Variants in ANKFN1 observed in about 807,000 individuals in gnomAD.
The protein encoded by ANKFN1 is ankyrin repeat and fibronectin type-III domain-containing protein 1.
Under a neutral mutation model 108.7 loss-of-function variants are expected in ANKFN1, and 74 were observed. The ratio of observed to expected loss-of-function variants is 0.68; its 90% CI spans 0.56 to 0.83. The LOEUF is 0.83. Ranked by LOEUF, ANKFN1 falls within the 40% of genes least tolerant of loss-of-function variation. The probability of loss-of-function intolerance (pLI) is 0.00; values close to 1 mark genes in which losing one functional copy is unlikely to be tolerated. For missense variants in ANKFN1, 1,505 were observed against 1,382.3 expected, an observed-to-expected ratio of 1.09 and a Z score of -1.41; for synonymous variants, 547 against 516.2, an observed-to-expected ratio of 1.06 and a Z score of -0.81.
intron 8 of ANKFN1, among the ~76,000 whole-genome samples, chr17:56,391,307 G>A (rs886568164): frequency 2.4e-5 from 3 of 125,138 alleles, no homozygotes; most frequent in African/African-American, 6.5e-5. Flanking sequence ...ACACAGTCTC[G>A]CTCTGTGTGT....
chr17:56,397,333 G>A (rs1281472343), intron 8 of ANKFN1, among the ~76,000 whole-genome samples: 1 of 152,134 alleles, frequency 6.6e-6, no homozygotes, highest in East Asian at 1.9e-4. Context: ...CATTTCTGAT[G>A]ACGTGTGTGC....
At chr17:56,330,715 G>T (rs1767583524) in intron 4 of ANKFN1, among the ~76,000 whole-genome samples, 1 of 152,004 alleles carries the variant, frequency 6.6e-6, no homozygotes, top group South Asian at 2.1e-4. Flanking sequence ...ACCCTATGTG[G>T]GATACTATCT....
intron 3 of ANKFN1, among the ~76,000 whole-genome samples, chr17:56,319,379 T>C (rs2045299211): frequency 6.6e-6 from 1 of 152,220 alleles, no homozygotes; most frequent in South Asian, 2.1e-4. Context: ...CATTTTCAAA[T>C]TGTTTGAGAA....
intron 2 of ANKFN1, among the ~76,000 whole-genome samples, chr17:56,221,359 A>AT (rs1247621968): frequency 1.3e-5 from 2 of 152,322 alleles, no homozygotes; most frequent in East Asian, 3.9e-4. Flanking sequence ...TGCCATATTT[A>AT]TACATCTGCT....
intron 8 of ANKFN1, among the ~76,000 whole-genome samples, chr17:56,405,122 C>A (rs1311353425): frequency 1.3e-5 from 2 of 152,216 alleles, no homozygotes; most frequent in Admixed American, 1.3e-4. Context: ...GTTTAACGCT[C>A]TATTTTTGTG....
At chr17:56,064,274 G>A (rs1359703868) in intron 4 of ANKFN1, among the ~76,000 whole-genome samples, 1 of 152,220 alleles carries the variant, frequency 6.6e-6, no homozygotes, top group Non-Finnish European at 1.5e-5. Flanking sequence ...GGGGTGTGCT[G>A]TGCTGGGGGA....
At chr17:56,144,886 C>T (rs1225657401) in intron 4 of ANKFN1, among the ~76,000 whole-genome samples, 1 of 152,192 alleles carries the variant, frequency 6.6e-6, no homozygotes, top group Non-Finnish European at 1.5e-5. Flanking sequence ...ACAGCCTGGC[C>T]ACTTGTTTAA....
intron 8 of ANKFN1, among the ~76,000 whole-genome samples, chr17:56,378,994 T>G (rs2047016897): frequency 6.6e-6 from 1 of 152,226 alleles, no homozygotes; most frequent in African/African-American, 2.4e-5. Context: ...AAAACCTTTC[T>G]CCAATAATGT....
chr17:56,317,409 T>C (rs1467440809), intron 3 of ANKFN1, among the ~76,000 whole-genome samples: 1 of 152,202 alleles, frequency 6.6e-6, no homozygotes, highest in Non-Finnish European at 1.5e-5. Flanking sequence ...GTTAAAGCTT[T>C]CTTGCTGGAC....
At chr17:56,216,393 T>G (rs1469366026) in intron 2 of ANKFN1, among the ~76,000 whole-genome samples, 1 of 152,220 alleles carries the variant, frequency 6.6e-6, no homozygotes, top group African/African-American at 2.4e-5. Context: ...GCTGACAACT[T>G]GGAGTTAGAG....
rs776874479 is a variant in ANKFN1 at position 56,516,781 on chromosome 17, C to G, written c.*5512C>G. Among the ~76,000 whole-genome samples the G allele has an allele frequency of 2.0e-5, 3 of 152,086 alleles. No homozygotes were observed. The highest frequency in any genetic ancestry group is 2.1e-4 in the South Asian group (1 of 4,828). On this transcript the variant is annotated 3_prime_UTR_variant, in exon 21 of 21. Transcript: ENST00000682825. Reference sequence around the variant, plus strand: ...TTTCTTACCTGCCTAAGTGTATTTTCAAGAAAAATTGTCGACAGAAGAAAT... The same window carrying G: ...TTTCTTACCTGCCTAAGTGTATTTTGAAGAAAAATTGTCGACAGAAGAAAT...
At chr17:56,250,209 G>T (rs745996538) in intron 3 of ANKFN1, among the ~76,000 whole-genome samples, 15 of 152,168 alleles carry the variant, frequency 9.9e-5, no homozygotes, top group Non-Finnish European at 2.1e-4. Flanking sequence ...TTAGAATCCA[G>T]TGTTGAGATA....
chr17:56,386,446 A>T (rs2047272875), intron 8 of ANKFN1, among the ~76,000 whole-genome samples: 1 of 151,920 alleles, frequency 6.6e-6, no homozygotes, highest in Admixed American at 6.6e-5. Context: ...CATTGTGCAC[A>T]TGTACCCTAA....
At chr17:56,448,289 CA>C (rs1008860791) in intron 10 of ANKFN1, among the ~76,000 whole-genome samples, 3 of 148,894 alleles carry the variant, frequency 2.0e-5, no homozygotes, top group African/African-American at 7.4e-5. Context: ...AAAAAAAAAA[CA>C]AAAAAACAAG....
At chr17:56,268,265 C>A (rs2043705590) in intron 3 of ANKFN1, among the ~76,000 whole-genome samples, 1 of 152,104 alleles carries the variant, frequency 6.6e-6, no homozygotes, top group African/African-American at 2.4e-5. Context: ...AAATAGAAAT[C>A]AATACCAAAA....
At chr17:56,379,255 TG>T (rs994948174) in intron 8 of ANKFN1, among the ~76,000 whole-genome samples, 1 of 151,984 alleles carries the variant, frequency 6.6e-6, no homozygotes, top group African/African-American at 2.4e-5. Context: ...AAAGATTGGC[TG>T]GGCATGGTGG....
chr17:56,253,797 G>T (rs1379908901), intron 3 of ANKFN1, among the ~76,000 whole-genome samples: 1 of 152,028 alleles, frequency 6.6e-6, no homozygotes, highest in African/African-American at 2.4e-5. Flanking sequence ...GCTCACTGAG[G>T]TCCCAGCTTT....
At chr17:56,260,084 A>G (rs989095411) in intron 3 of ANKFN1, among the ~76,000 whole-genome samples, 25 of 152,338 alleles carry the variant, frequency 1.6e-4, no homozygotes, top group African/African-American at 6.0e-4. Flanking sequence ...AAATAGATTT[A>G]TCTAAACCAT....
chr17:56,053,930 G>A (rs1381638418), intron 4 of ANKFN1, among the ~76,000 whole-genome samples: 1 of 152,152 alleles, frequency 6.6e-6, no homozygotes, highest in Non-Finnish European at 1.5e-5. Context: ...GGTGAATTCT[G>A]AGATTTTAGT....
Sources: gnomAD v4.1 joint callset for allele counts (sites outside exome capture counted in the v4.1 genomes callset) on GRCh38, gnomAD v4.1.1 for gene constraint, MANE v1.5 for transcripts, NCBI Gene and HGNC (gene_info 2026-07-23, HGNC 2026-07-21) for gene names.